The following DIDO1 variants were observed in gnomAD, a reference collection of about 807,000 sequenced individuals.
DIDO1 encodes death-inducer obliterator 1.
In DIDO1, 16 loss-of-function variants were observed where a neutral mutation model predicts 99.4. That is an observed-to-expected ratio of 0.16 (90% CI 0.11 to 0.24). The LOEUF is 0.24. DIDO1 is among the 10% of genes least tolerant of loss of function. The pLI is 1.00. For missense variants in DIDO1, 2,996 were observed against 3,014.0 expected (o/e 0.99, Z 0.14); for synonymous variants, 1,366 against 1,239.1 (o/e 1.10, Z -2.15).
intron 1 of DIDO1, among the ~76,000 whole-genome samples, chr20:62,918,189 T>A (rs2065072586): frequency 6.6e-6 from 1 of 152,366 alleles, no homozygotes; most frequent in South Asian, 2.1e-4. Context: ...GTCAGCTCTG[T>A]TACTTTAAAA....
Position 62,896,358 on chromosome 20 carries a change from T to C in DIDO1, c.2089A>G (p.Asn697Asp), listed in dbSNP as rs567330466. Residue 697 changes from asparagine (N) to aspartate (D), a missense_variant, in exon 8 of 16, where the codon AAC (asparagine) becomes GAC (aspartate). By Grantham distance (23) the Asn-to-Asp change is conservative. This residue lies in a region of DIDO1 where 898 missense variants were observed against 972.7 expected (regional missense o/e 0.92). Transcript: ENST00000395343. This position sits in a 1 kb window ranked among gnomAD's most constrained non-coding sequence, Gnocchi z 4.4. ...NDSDDLIMTENEVGKIALHIE... is the reference protein window; with the variant it reads ...NDSDDLIMTEDEVGKIALHIE... The stretch of plus-strand genomic sequence containing the variant: ...TGGAGGGCAATTTTTCCTACTTCGT[T>C]TTCTGTCATGATTAAGTCATCGCTG... 2.5e-6 allele frequency: 4 copies of C among 1,614,156 alleles called. No individual in the cohort carries two copies. Among genetic ancestry groups the C allele is most frequent in the Non-Finnish European group, 3.4e-6 (4 of 1,180,022 alleles).
chr20:62,909,588 C>G (rs1191835222), intron 4 of DIDO1, 111 bp downstream of exon 4: 2 of 1,339,070 alleles, frequency 1.5e-6, no homozygotes, highest in African/African-American at 2.9e-5. Context: ...CCGGGAGAGG[C>G]ACCGCCCCAC....
chr20:62,926,500 C>T lies in DIDO1; in HGVS notation c.-261G>A, dbSNP rs1325023664. 1 of 152,040 alleles carries T rather than the reference C, an allele frequency of 6.6e-6. No individual in the cohort carries two copies. The highest frequency in any genetic ancestry group is 1.5e-5 in the Non-Finnish European group (1 of 67,968). 9.4% of individuals were successfully genotyped at this position (152,040 alleles called of 1,614,324 possible). A position where few individuals can be genotyped will look rare whatever the true frequency, so the allele number is the denominator to read the frequency against. ...CGCCGCGGAGTGGGCGGACGGCCAC[C>T]GAGATGGCGCGGGGCTAGAGCGGCG... On this transcript the variant is annotated 5_prime_UTR_variant, in exon 1 of 16. Coordinates refer to ENST00000395343, the MANE Select transcript of DIDO1 (RefSeq NM_001193369.2).
upstream of DIDO1, among the ~76,000 whole-genome samples, chr20:62,930,713 A>G (rs1320467338): frequency 4.6e-5 from 7 of 152,248 alleles, no homozygotes; most frequent in African/African-American, 1.4e-4. Context: ...TATCATTTGT[A>G]TGTTACCAGA....
At chr20:62,909,314 C>T (rs552809049) in intron 4 of DIDO1, among the ~76,000 whole-genome samples, 63 of 152,352 alleles carry the variant, frequency 4.1e-4, no homozygotes, top group Non-Finnish European at 6.5e-4. Context: ...AGCTGCAAGA[C>T]AGAGAAACCA....
chr20:62,922,501 G>A (rs1320275183), intron 1 of DIDO1, among the ~76,000 whole-genome samples: 4 of 152,226 alleles, frequency 2.6e-5, no homozygotes, highest in African/African-American at 4.8e-5. Context: ...AAACGATAGC[G>A]GGGGTGGGGG....
intron 15 of DIDO1, chr20:62,887,406 C>T (rs1462035293): frequency 1.0e-6 from 1 of 985,448 alleles, no homozygotes; most frequent in Non-Finnish European, 1.2e-6. Flanking sequence ...AAAGTGAATA[C>T]AGAAAGACAC....
chr20:62,920,665 C>A (rs750791698), intron 1 of DIDO1, among the ~76,000 whole-genome samples: 2 of 152,218 alleles, frequency 1.3e-5, no homozygotes, highest in Non-Finnish European at 2.9e-5. Context: ...CGGATCAAAG[C>A]AGTCTGCACA....
rs749803517 is a variant in DIDO1 at position 62,910,873 on chromosome 20, T to A, written c.740A>T (p.Lys247Ile). The change falls in exon 3 of 16, where the codon AAA (lysine) becomes ATA (isoleucine). Residue 247 changes from lysine to isoleucine, a missense_variant. Coordinates refer to ENST00000395343, the MANE Select transcript of DIDO1 (RefSeq NM_001193369.2). ...GCCCAAGTCTCCAGGCTCCTCATCT[T>A]TGATGTCCTGAGCCGCCTTTCCCTC... ...KLEGKAAQDI[K>I]DEEPGDLGRP... is the part of the protein sequence containing the mutation. 13 of 1,614,138 alleles carry A rather than the reference T, an allele frequency of 8.1e-6. No individual in the cohort carries two copies. Among genetic ancestry groups the A allele is most frequent in the Middle Eastern group, 3.3e-4 (2 of 6,062 alleles).
chr20:62,904,608 C>T lies in DIDO1; in HGVS notation c.1588+1279G>A, dbSNP rs146289701. Among the ~76,000 whole-genome samples, 194 of 151,882 alleles carry T rather than the reference C, an allele frequency of 1.3e-3. 1 individual carries two copies. The Middle Eastern group carries it at 0.014, about 11-fold the overall frequency. ...CCAGCCTGACCAACATGGTGAAACC[C>T]CGTCTCTACTAAAAATACAAAAATT... On this transcript the variant is annotated intron_variant, in intron 6 of 15. Coordinates refer to ENST00000395343, the MANE Select transcript of DIDO1 (RefSeq NM_001193369.2).
chr20:62,879,285 G>A lies in DIDO1; in HGVS notation c.6671C>T (p.Pro2224Leu). ...GGAGGCCCTCGAGGCCTCGGGCTTC[G>A]GGTCCCGAGCGCTCTCTTTGCTCTT... ...RSKSKESARD[P>L]KPEASRASDA... Residue 2224 changes from proline (P) to leucine (L), a missense_variant, in exon 16 of 16, where the codon CCG (proline) becomes CTG (leucine). Physicochemically the swap from Pro to Leu is moderately conservative, Grantham distance 98. Transcript: ENST00000395343. The surrounding 1 kb of genome is among the most constrained non-coding windows in gnomAD (Gnocchi z 6.3). 3 of 1,576,566 alleles carry A rather than the reference G, an allele frequency of 1.9e-6. No individual in the cohort carries two copies. Among genetic ancestry groups the A allele is most frequent in the South Asian group, 1.2e-5 (1 of 86,578 alleles).
chr20:62,925,252 T>C lies in DIDO1; in HGVS notation c.-200+1187A>G, dbSNP rs1715049438. Among the ~76,000 whole-genome samples the C allele has an allele frequency of 2.0e-5, 3 of 152,340 alleles. No individual in the cohort carries two copies. The South Asian group carries it at 6.2e-4, about 32-fold the overall frequency. On this transcript the variant is annotated intron_variant, in intron 1 of 15. Coordinates refer to ENST00000395343, the MANE Select transcript of DIDO1 (RefSeq NM_001193369.2). ...CTCCAGGACTGGGACAGGGGCCACC[T>C]TGGTCACTGCTGTATCCCTCGTGCT...
chr20:62,892,107 T>C (rs761232238), intron 13 of DIDO1, 31 bp from the exon 14 acceptor site: 6 of 1,593,682 alleles, frequency 3.8e-6, no homozygotes, highest in Non-Finnish European at 5.1e-6. Flanking sequence ...GTAAATCACT[T>C]TGAACTGTAG....
At chr20:62,927,705 G>A (rs1053714199), upstream of DIDO1, among the ~76,000 whole-genome samples, 10 of 152,252 alleles carry the variant, frequency 6.6e-5, no homozygotes, top group African/African-American at 2.4e-4. Context: ...TGAACCAGGG[G>A]CTTTGAGGCA....
chr20:62,878,092 G>A lies in DIDO1; in HGVS notation c.*1141C>T, dbSNP rs750021030. The stretch of plus-strand genomic sequence containing the variant: ...TGTGCTATAAAGTGAAAAATCTGTA[G>A]TGACGTACAATGGAATAACAGACTC... On this transcript the variant is annotated 3_prime_UTR_variant, in exon 16 of 16. Transcript: ENST00000395343. The A allele has an allele frequency of 2.6e-5, 4 of 152,220 alleles. No homozygotes were observed. The highest frequency in any genetic ancestry group is 5.9e-5 in the Non-Finnish European group (4 of 68,040). The allele number at this position is 152,220 out of a possible 1,614,324, so 9.4% of individuals were successfully genotyped here.
At chr20:62,906,408 A>G (rs2064805974) in intron 5 of DIDO1, among the ~76,000 whole-genome samples, 1 of 152,212 alleles carries the variant, frequency 6.6e-6, no homozygotes, top group Admixed American at 6.5e-5. Flanking sequence ...AGCAGCAGCC[A>G]CTGGACAGGC....
chr20:62,928,333 C>G (rs1444419017), upstream of DIDO1, among the ~76,000 whole-genome samples: 3 of 152,170 alleles, frequency 2.0e-5, no homozygotes, highest in Non-Finnish European at 4.4e-5. Context: ...TCACTCAGCT[C>G]ACCGCAGTGC....
At chr20:62,902,710 G>A (rs1266530843) in intron 6 of DIDO1, among the ~76,000 whole-genome samples, 1 of 152,194 alleles carries the variant, frequency 6.6e-6, no homozygotes, top group Non-Finnish European at 1.5e-5. Flanking sequence ...GGCAGCACGT[G>A]GGAACAAGAG....
chr20:62,889,058 A>C (rs1259626505), intron 15 of DIDO1: 5 of 985,348 alleles, frequency 5.1e-6, no homozygotes, highest in Non-Finnish European at 6.0e-6. Flanking sequence ...TCGTGGCCTC[A>C]GCAAGTGCCT....
Sources: allele counts gnomAD v4.1 joint callset (sites outside exome capture counted in the v4.1 genomes callset), GRCh38; gene constraint gnomAD v4.1.1; regional missense constraint gnomAD v4.1.1; non-coding constraint Gnocchi (gnomAD v3.1); transcripts MANE v1.5; gene names NCBI Gene and HGNC (gene_info 2026-07-23, HGNC 2026-07-21).